Variants in SEC61A1 observed in about 807,000 individuals in gnomAD.
The protein encoded by SEC61A1 is SEC61 translocon subunit alpha 1.
Under a neutral mutation model 55.2 loss-of-function variants are expected in SEC61A1, and 15 were observed. The observed-to-expected ratio is 0.27, with a 90% CI of 0.18 to 0.42. The LOEUF (loss-of-function observed/expected upper bound fraction) is 0.42, where lower values mean the gene tolerates loss of function less well. Ranked by LOEUF, SEC61A1 falls within the 10% of genes least tolerant of loss-of-function variation. The pLI is 1.00. For missense variants in SEC61A1, 284 were observed against 602.6 expected, an observed-to-expected ratio of 0.47 and a Z score of 5.53; for synonymous variants, 247 against 234.0, an observed-to-expected ratio of 1.06 and a Z score of -0.51.
At chr3:128,065,133 A>G (rs1559797590) in intron 8 of SEC61A1, 96 bp downstream of exon 8, 12 of 1,290,198 alleles carry the variant, frequency 9.3e-6, no homozygotes, top group Non-Finnish European at 1.4e-5. Flanking sequence ...GTGCACTGTC[A>G]TCATATTGTG....
At chr3:128,057,030 A>T (rs555428632) in intron 5 of SEC61A1, among the ~76,000 whole-genome samples, 190 bp downstream of exon 5, 1 of 151,712 alleles carries the variant, frequency 6.6e-6, no homozygotes, top group South Asian at 2.1e-4. Context: ...TCCACCTCCC[A>T]GGTTCAAGCA....
intron 8 of SEC61A1, among the ~76,000 whole-genome samples, chr3:128,066,207 TTA>T (rs1941973328): frequency 6.6e-6 from 1 of 152,088 alleles, no homozygotes; most frequent in Admixed American, 6.5e-5. Context: ...TAAGGAACTA[TTA>T]TAAGGTGTGA....
chr3:128,052,398 C>CCCGCGCCGCGCCGCG, upstream of SEC61A1: 1 of 1,214,168 alleles, frequency 8.2e-7, no homozygotes, highest in South Asian at 3.9e-5. Context: ...CCGGCCCCGC[C>CCCGCGCCGCGCCGCG]CCGCGCCGCG....
intron 11 of SEC61A1, 114 bp from the exon 12 acceptor site, chr3:128,069,362 C>A: frequency 2.1e-6 from 2 of 974,074 alleles, no homozygotes; most frequent in Non-Finnish European, 3.1e-6. Flanking sequence ...TTCTAGGAGA[C>A]AGCAGAGGGG....
chr3:128,057,177 C>T (rs956341541), intron 5 of SEC61A1, among the ~76,000 whole-genome samples: 2 of 152,212 alleles, frequency 1.3e-5, no homozygotes, highest in Non-Finnish European at 2.9e-5. Context: ...TGTGATCCAC[C>T]CGCCTCGGCC....
At chr3:128,066,796 A>T in intron 8 of SEC61A1, 158 bp from the exon 9 acceptor site, 1 of 649,860 alleles carries the variant, frequency 1.5e-6, no homozygotes, top group South Asian at 1.9e-5. Context: ...AGTGGTGGGT[A>T]AGGAGTGGGC....
rs1327538065 is a variant in SEC61A1 at position 128,067,033 on chromosome 3, C to T, written c.857C>T (p.Thr286Met). The change falls in exon 9 of 12, where the codon ACG becomes ATG. Residue 286 changes from threonine to methionine, a missense_variant. Thr to Met is a moderately conservative substitution (Grantham distance 81). Transcript: ENST00000243253. The surrounding 1 kb of genome is among the most constrained non-coding windows in gnomAD (Gnocchi z 4.1). ...YNTYPIKLFY[T>M]SNIPIILQSA... Reference sequence around the variant, plus strand: ...ACCTATCCCATCAAGCTCTTCTATACGTCCAACATCCCCATCATCCTGCAG... The same window carrying T: ...ACCTATCCCATCAAGCTCTTCTATATGTCCAACATCCCCATCATCCTGCAG... The T allele has an allele frequency of 6.2e-7, 1 of 1,614,188 alleles. No individual in the cohort carries two copies. The highest frequency in any genetic ancestry group is 8.5e-7 in the Non-Finnish European group (1 of 1,180,016).
chr3:128,052,886 A>G lies in SEC61A1; in HGVS notation c.59A>G (p.Gln20Arg). 4 of 1,613,292 alleles carry G rather than the reference A, an allele frequency of 2.5e-6. No homozygotes were observed. The highest frequency in any genetic ancestry group is 2.5e-6 in the Non-Finnish European group (3 of 1,179,604). The change falls in exon 2 of 12, where the codon CAG becomes CGG. Residue 20 changes from glutamine (Q) to arginine (R), a missense_variant. Gln to Arg is a conservative substitution (Grantham distance 43, BLOSUM62 1). Coordinates refer to ENST00000243253, the MANE Select transcript of SEC61A1 (RefSeq NM_013336.4). The part of the protein sequence containing the change: ...KPFCVILPEI[Q>R]KPERKIQFKE... ...TTCTGTGTCATCCTGCCGGAAATTC[A>G]GAAGCCAGAGAGGAAGGTAAGTACC...
chr3:128,065,257 G>GT, intron 8 of SEC61A1: 1 of 630,360 alleles, frequency 1.6e-6, no homozygotes. Context: ...CAGTTCTAAC[G>GT]TAAGTGAAAT....
intron 8 of SEC61A1, 153 bp from the exon 9 acceptor site, chr3:128,066,801 G>A (rs778138705): frequency 1.5e-6 from 1 of 669,138 alleles, no homozygotes; most frequent in Non-Finnish European, 2.6e-6. Flanking sequence ...TGGGTAAGGA[G>A]TGGGCACAAG....
chr3:128,064,651 A>T (rs911580907), intron 7 of SEC61A1: 3 of 511,174 alleles, frequency 5.9e-6, no homozygotes, highest in South Asian at 5.1e-5. Context: ...GACCCTGTCT[A>T]AAAAAAATCA....
At chr3:128,053,274 T>TC (rs1403840898) in intron 2 of SEC61A1, among the ~76,000 whole-genome samples, 4 of 152,162 alleles carry the variant, frequency 2.6e-5, no homozygotes, top group African/African-American at 9.7e-5. Flanking sequence ...TGGTTTTTTT[T>TC]CCCAGGAGAT....
At chr3:128,060,349 G>A in intron 6 of SEC61A1, 138 bp downstream of exon 6, 1 of 1,041,956 alleles carries the variant, frequency 9.6e-7, no homozygotes, top group South Asian at 1.5e-5. Flanking sequence ...TTAGCCCTCT[G>A]AATTCAGCAG....
chr3:128,055,617 G>A (rs777496805), intron 3 of SEC61A1, 36 bp downstream of exon 3: 108 of 1,608,248 alleles, frequency 6.7e-5, no homozygotes, highest in Middle Eastern at 3.3e-4. Flanking sequence ...TGGGGAGGGG[G>A]ATAAGAGTGG....
At chr3:128,052,143 AGGC>A (rs1376741637), upstream of SEC61A1, among the ~76,000 whole-genome samples, 1 of 151,960 alleles carries the variant, frequency 6.6e-6, no homozygotes. Flanking sequence ...TTTCTCCGTG[AGGC>A]CGCACAGCCC....
intron 7 of SEC61A1, 56 bp downstream of exon 7, chr3:128,060,717 A>G (rs774695562): frequency 7.8e-6 from 12 of 1,537,652 alleles, no homozygotes; most frequent in Admixed American, 3.9e-5. Flanking sequence ...CAATTGAGCA[A>G]TGCAAAGCAG....
At chr3:128,058,366 G>A (rs1385892238) in intron 5 of SEC61A1, among the ~76,000 whole-genome samples, 2 of 151,790 alleles carry the variant, frequency 1.3e-5, no homozygotes, top group Non-Finnish European at 1.5e-5. Context: ...CCGCCACCAC[G>A]CCCAGCTAAT....
Position 128,067,901 on chromosome 3 carries a change from C to A in SEC61A1, c.1168-82C>A. 9.2e-7 allele frequency: 1 copy of A among 1,089,800 alleles called. No individual in the cohort carries two copies. The allele number at this position is 1,089,800 out of a possible 1,614,324, so 67.5% of individuals were successfully genotyped here. On this transcript the variant is annotated intron_variant, in intron 10 of 11. Transcript: ENST00000243253. This position sits in a 1 kb window ranked among gnomAD's most constrained non-coding sequence, Gnocchi z 4.1. ...TATTGTCAGTGCTCGAAGAGGCGAT[C>A]TGTAACTGTTCAGTACCACTTGGAA... is the stretch of plus-strand genomic sequence containing the variant.
At chr3:128,064,856 T>G in intron 7 of SEC61A1, 21 bp from the exon 8 acceptor site, 2 of 1,568,498 alleles carry the variant, frequency 1.3e-6, no homozygotes, top group Non-Finnish European at 1.7e-6. Flanking sequence ...CCTTCATATA[T>G]GTCTCCTCCT....
Sources: allele counts gnomAD v4.1 joint callset (sites outside exome capture counted in the v4.1 genomes callset), GRCh38; gene constraint gnomAD v4.1.1; non-coding constraint Gnocchi (gnomAD v3.1); transcripts MANE v1.5; gene names NCBI Gene and HGNC (gene_info 2026-07-23, HGNC 2026-07-21).